The following EYS variants were observed in gnomAD, a reference collection of about 807,000 sequenced individuals.
EYS encodes the protein EGF-like photoreceptor maintenance factor.
In EYS, 250 loss-of-function variants were observed where a neutral mutation model predicts 282.1. That is an observed-to-expected ratio of 0.89 (90% CI 0.80 to 0.98). The LOEUF (loss-of-function observed/expected upper bound fraction) is 0.98, where lower values mean the gene tolerates loss of function less well. Among genes scored for constraint, EYS ranks in the 50% least tolerant of loss-of-function variants. The pLI, the probability that EYS is intolerant of heterozygous loss-of-function variation, is 0.00. For missense variants in EYS, 4,016 were observed against 3,709.0 expected (o/e 1.08, Z -2.15); for synonymous variants, 1,355 against 1,282.9 (o/e 1.06, Z -1.20).
rs750446520 is a variant in EYS at position 64,192,077 on chromosome 6, C to CA, written c.6424+38514dup. ...TTTTGATTTGCATTTCTCTGATGGC[C>CA]AGTGATGGTAAGCATTTTTTCATGT... is the stretch of plus-strand genomic sequence containing the variant. On this transcript the variant is annotated intron_variant, in intron 31 of 42. Coordinates refer to ENST00000503581, the MANE Select transcript of EYS (RefSeq NM_001142800.2). Among the ~76,000 whole-genome samples, 173 of 139,842 alleles carry CA rather than the reference C, an allele frequency of 1.2e-3. 3 individuals carry two copies. The highest frequency in any genetic ancestry group is 9.5e-4 in the Non-Finnish European group (60 of 62,862). 91.7% of individuals were successfully genotyped at this position (139,842 alleles called of 152,430 possible).
chr6:63,720,465 GAT>G lies in EYS; in HGVS notation c.*129_*130del, dbSNP rs1400631458. 6.3e-6 allele frequency: 4 copies of G among 634,102 alleles called. No homozygotes were observed. Among genetic ancestry groups the G allele is most frequent in the African/African-American group, 1.9e-5 (1 of 52,986 alleles). The allele number at this position is 634,102 out of a possible 1,614,324, so 39.3% of individuals were successfully genotyped here. A position where few individuals can be genotyped will look rare whatever the true frequency, so the allele number is the denominator to read the frequency against. ...TGACATTTTACAATCTTATCAAAAA[GAT>G]ATGTTAGCATTTAGACTATTTCAGG... On this transcript the variant is annotated 3_prime_UTR_variant, in exon 43 of 43. Transcript: ENST00000503581.
intron 26 of EYS, among the ~76,000 whole-genome samples, chr6:64,439,891 AC>A (rs1183705788): frequency 1.3e-5 from 2 of 151,758 alleles, no homozygotes; most frequent in African/African-American, 4.8e-5. Context: ...TGAGCAAAAT[AC>A]TCCACAGTTA....
chr6:63,889,864 A>G (rs7741776), intron 35 of EYS, among the ~76,000 whole-genome samples: 6 of 152,172 alleles, frequency 3.9e-5, no homozygotes, highest in Non-Finnish European at 7.3e-5. Flanking sequence ...AGTCTGCTGT[A>G]TTCAGGAGAC....
At chr6:63,947,010 G>T (rs1180523210) in intron 35 of EYS, among the ~76,000 whole-genome samples, 1 of 151,928 alleles carries the variant, frequency 6.6e-6, no homozygotes, top group Non-Finnish European at 1.5e-5. Flanking sequence ...GATATCTGTG[G>T]TGGAATACCA....
chr6:64,180,124 A>G (rs532404872), intron 31 of EYS, among the ~76,000 whole-genome samples: 1 of 152,280 alleles, frequency 6.6e-6, no homozygotes, highest in African/African-American at 2.4e-5. Flanking sequence ...TTGATATATT[A>G]AAATACTGAG....
At chr6:65,233,542 T>C (rs1213969085) in intron 12 of EYS, among the ~76,000 whole-genome samples, 1 of 152,174 alleles carries the variant, frequency 6.6e-6, no homozygotes, top group Non-Finnish European at 1.5e-5. Flanking sequence ...CAGTTGGAGT[T>C]TTACCCTTTT....
At position 64,758,054 on chromosome 6, in the gene EYS, G is replaced by T. The variant is rs4594931; in HGVS notation, c.3443+55324C>A. Among the ~76,000 whole-genome samples, 811 of 152,234 alleles carry T rather than the reference G, an allele frequency of 5.3e-3. 11 individuals carry two copies. The highest frequency in any genetic ancestry group is 0.018 in the African/African-American group (763 of 41,528). On this transcript the variant is annotated intron_variant, in intron 22 of 42. Transcript: ENST00000503581. ...CTCCCAAAGTGCTGGGATTACAGGC[G>T]TGAGCCACTGTGCCCGGCCCAAAAG... is the stretch of plus-strand genomic sequence containing the variant.
intron 37 of EYS, among the ~76,000 whole-genome samples, chr6:63,800,718 T>C (rs572589407): frequency 3.7e-4 from 56 of 152,322 alleles, no homozygotes; most frequent in African/African-American, 9.6e-4. Context: ...GGCAGGAGAA[T>C]CACTTGAACC....
At chr6:63,883,222 C>A (rs975791747) in intron 35 of EYS, among the ~76,000 whole-genome samples, 1 of 152,152 alleles carries the variant, frequency 6.6e-6, no homozygotes, top group Non-Finnish European at 1.5e-5. Context: ...TATGATCTGG[C>A]CCCTGTTCCA....
intron 2 of EYS, among the ~76,000 whole-genome samples, chr6:65,602,312 CAT>C (rs1765641727): frequency 6.6e-6 from 1 of 151,770 alleles, no homozygotes; most frequent in South Asian, 2.1e-4. Context: ...AATAGAAACA[CAT>C]GTAATACATG....
chr6:65,343,384 T>C (rs1770270362), intron 10 of EYS, among the ~76,000 whole-genome samples: 1 of 151,344 alleles, frequency 6.6e-6, no homozygotes, highest in Non-Finnish European at 1.5e-5. Context: ...TTAATTATCT[T>C]TTGGGAAAAT....
At chr6:65,597,230 C>T (rs181906662) in intron 2 of EYS, among the ~76,000 whole-genome samples, 18 of 152,154 alleles carry the variant, frequency 1.2e-4, no homozygotes, top group Admixed American at 2.6e-4. Context: ...CTAATACGCA[C>T]GATTAATCTC....
At chr6:64,547,684 C>A (rs541654226) in intron 26 of EYS, among the ~76,000 whole-genome samples, 1 of 152,352 alleles carries the variant, frequency 6.6e-6, no homozygotes, top group South Asian at 2.1e-4. Flanking sequence ...CATACTGGGG[C>A]TGCAGGTGGA....
chr6:63,723,884 C>T (rs1458917821), intron 42 of EYS, among the ~76,000 whole-genome samples: 6 of 151,230 alleles, frequency 4.0e-5, no homozygotes, highest in Non-Finnish European at 7.4e-5. Flanking sequence ...TGCAATGGTG[C>T]AATCTCGGCT....
chr6:65,545,571 A>G (rs1768354919), intron 2 of EYS, among the ~76,000 whole-genome samples: 1 of 152,184 alleles, frequency 6.6e-6, no homozygotes, highest in African/African-American at 2.4e-5. Flanking sequence ...TATAATTACA[A>G]GAGACAGAAT....
chr6:63,902,066 T>G (rs988929392), intron 35 of EYS, among the ~76,000 whole-genome samples: 1 of 151,982 alleles, frequency 6.6e-6, no homozygotes, highest in African/African-American at 2.4e-5. Flanking sequence ...CTAATTTTTA[T>G]ATTGTTTAGT....
chr6:64,635,082 G>A (rs919171150), intron 22 of EYS, among the ~76,000 whole-genome samples: 7 of 151,876 alleles, frequency 4.6e-5, no homozygotes, highest in East Asian at 1.9e-4. Context: ...TCTCTTTGTA[G>A]CAATTGTGAA....
intron 22 of EYS, among the ~76,000 whole-genome samples, chr6:64,651,632 G>A (rs184959837): frequency 2.2e-4 from 34 of 152,200 alleles, no homozygotes; most frequent in African/African-American, 7.7e-4. Flanking sequence ...GCCATTAGCC[G>A]AGACCGCGCC....
At chr6:65,668,132 G>A (rs1220294611) in intron 1 of EYS, among the ~76,000 whole-genome samples, 1 of 151,554 alleles carries the variant, frequency 6.6e-6, no homozygotes, top group Admixed American at 6.6e-5. Flanking sequence ...ACTTTATTTT[G>A]GGCTATCATA....
Sources: gnomAD v4.1 joint callset for allele counts (sites outside exome capture counted in the v4.1 genomes callset) on GRCh38, gnomAD v4.1.1 for gene constraint, MANE v1.5 for transcripts, NCBI Gene and HGNC (gene_info 2026-07-23, HGNC 2026-07-21) for gene names.